The following DMD variants were observed in gnomAD, a reference collection of about 807,000 sequenced individuals.
DMD encodes the protein mutant dystrophin.
Under a neutral mutation model 330.1 loss-of-function variants are expected in DMD, and 63 were observed. That is an observed-to-expected ratio of 0.19 (90% CI 0.16 to 0.24). The LOEUF is 0.24. Among genes scored for constraint, DMD ranks in the 10% least tolerant of loss-of-function variants. The pLI is 1.00. For synonymous variants in DMD, 1,223 were observed against 959.8 expected, an observed-to-expected ratio of 1.27 and a Z score of -5.07; for missense variants, 3,344 against 2,684.1, an observed-to-expected ratio of 1.25 and a Z score of -5.43.
intron 1 of DMD, among the ~76,000 whole-genome samples, chrX:33,252,824 A>G (rs1356618624): frequency 1.8e-5 from 2 of 112,091 alleles, no homozygotes; most frequent in African/African-American, 6.5e-5. Context: ...AATGTTGCTT[A>G]GGTATTTCCT....
chrX:32,385,150 A>C (rs774285211), intron 33 of DMD, among the ~76,000 whole-genome samples: 1 of 111,074 alleles, frequency 9.0e-6, no homozygotes, highest in African/African-American at 3.3e-5. Context: ...TACCTGATTC[A>C]AAAATATTCT....
At chrX:32,377,668 G>C (rs1393797781) in intron 34 of DMD, among the ~76,000 whole-genome samples, 3 of 111,447 alleles carry the variant, frequency 2.7e-5, no homozygotes, top group Non-Finnish European at 5.7e-5. Flanking sequence ...TCTGTATTCA[G>C]AGAAAATAAA....
chrX:32,665,452 A>G (rs1400833050), intron 9 of DMD, among the ~76,000 whole-genome samples: 2 of 112,303 alleles, frequency 1.8e-5, no homozygotes, highest in African/African-American at 6.5e-5. Context: ...AATCCTCAAC[A>G]AATTTTGTTA....
At chrX:32,211,267 A>G (rs1329241847) in intron 44 of DMD, among the ~76,000 whole-genome samples, 1 of 111,930 alleles carries the variant, frequency 8.9e-6, no homozygotes, top group Admixed American at 9.5e-5. Context: ...TTTTTCTTCA[A>G]TAGAATATGA....
At chrX:32,302,955 A>G (rs1200961990) in intron 42 of DMD, among the ~76,000 whole-genome samples, 1 of 111,193 alleles carries the variant, frequency 9.0e-6, no homozygotes, top group Non-Finnish European at 1.9e-5. Context: ...TCAGGTTCCA[A>G]TACAGTACTT....
intron 73 of DMD, among the ~76,000 whole-genome samples, chrX:31,171,827 C>G (rs771478125): frequency 8.9e-6 from 1 of 111,868 alleles, no homozygotes; most frequent in East Asian, 2.8e-4. Context: ...GGAAACTCTT[C>G]ATAAGATTGC....
rs141297639 is a variant in DMD at position 31,276,040 on chromosome X, T to C, written c.9225-15024A>G. Among the ~76,000 whole-genome samples, 386 of 111,565 alleles carry C rather than the reference T, an allele frequency of 3.5e-3. 2 individuals carry two copies. The highest frequency in any genetic ancestry group is 0.012 in the African/African-American group (362 of 30,746). On this transcript the variant is annotated intron_variant, in intron 62 of 78. Transcript: ENST00000357033. ...ATAAAACTTTAAGAAGCGAGGAAAA[T>C]TTAGAACACAGATTTGTTTTTTGTT...
intron 44 of DMD, among the ~76,000 whole-genome samples, chrX:32,019,991 A>G (rs1028916333): frequency 2.7e-5 from 3 of 112,468 alleles, no homozygotes; most frequent in Non-Finnish European, 5.6e-5. Context: ...CATTTTGCCT[A>G]TGGATCCACC....
intron 71 of DMD, among the ~76,000 whole-genome samples, chrX:31,175,847 A>AAT (rs1312321648): frequency 1.8e-5 from 2 of 111,501 alleles, no homozygotes; most frequent in Non-Finnish European, 1.9e-5. Flanking sequence ...TCGCTCAAAG[A>AAT]ATATCGTTTG....
At chrX:32,413,710 CTTTTTTTT>C (rs779787287) in intron 29 of DMD, among the ~76,000 whole-genome samples, 3 of 78,577 alleles carry the variant, frequency 3.8e-5, no homozygotes, top group Non-Finnish European at 7.1e-5. Flanking sequence ...AAGCTCTATT[CTTTTTTTT>C]TTTTTTTTTT....
At chrX:32,992,560 A>G (rs897810143) in intron 2 of DMD, among the ~76,000 whole-genome samples, 1 of 111,824 alleles carries the variant, frequency 8.9e-6, no homozygotes, top group African/African-American at 3.2e-5. Flanking sequence ...TTCCTGAATG[A>G]TACTCACAAA....
At chrX:32,419,958 C>T (rs771714370) in intron 29 of DMD, among the ~76,000 whole-genome samples, 10 of 111,843 alleles carry the variant, frequency 8.9e-5, no homozygotes, top group Non-Finnish European at 1.9e-4. Context: ...TCCATTTATC[C>T]TCATGGGTAG....
intron 7 of DMD, among the ~76,000 whole-genome samples, chrX:32,746,751 A>G (rs2070071082): frequency 1.8e-5 from 2 of 111,568 alleles, no homozygotes; most frequent in Non-Finnish European, 3.8e-5. Context: ...TGCACAATAA[A>G]TTACTGTTAA....
chrX:31,414,352 A>G (rs986322638), intron 60 of DMD, among the ~76,000 whole-genome samples: 4 of 112,366 alleles, frequency 3.6e-5, no homozygotes, highest in African/African-American at 1.3e-4. Flanking sequence ...GCGACAAGCC[A>G]AATTAATGTT....
chrX:33,251,891 T>TGAAATA (rs768502264), intron 1 of DMD, among the ~76,000 whole-genome samples: 1 of 112,269 alleles, frequency 8.9e-6, no homozygotes, highest in African/African-American at 3.2e-5. Context: ...TGTTAATGTG[T>TGAAATA]GAAATAAGAA....
In DMD at chrX:32,104,299, C is replaced by T. The variant is rs774528558; in HGVS notation, c.6438+112617G>A. On this transcript the variant is annotated intron_variant, in intron 44 of 78. Coordinates refer to ENST00000357033, the MANE Select transcript of DMD (RefSeq NM_004006.3). ...TTATCTGCTCTAATTATGTCAGGTG[C>T]TTTGCTACTTCACAGTAACCACATG... Among the ~76,000 whole-genome samples the T allele has an allele frequency of 8.9e-5, 10 of 111,741 alleles. No homozygotes were observed. In the South Asian group the frequency reaches 3.8e-3, roughly 42 times the overall value.
chrX:32,316,387 A>G (rs1317966274), intron 41 of DMD, among the ~76,000 whole-genome samples: 3 of 111,745 alleles, frequency 2.7e-5, no homozygotes. Context: ...TCTCATTACA[A>G]TTACCTATGG....
chrX:31,183,074 C>T, intron 67 of DMD, 170 bp from the exon 68 acceptor site: 1 of 454,766 alleles, frequency 2.2e-6, no homozygotes, highest in African/African-American at 2.5e-5. Flanking sequence ...GCAAATGCTC[C>T]CTGATATCCA....
At chrX:31,890,062 T>C (rs2094219582) in intron 47 of DMD, among the ~76,000 whole-genome samples, 1 of 109,953 alleles carries the variant, frequency 9.1e-6, no homozygotes, top group African/African-American at 3.3e-5. Context: ...CTGTTAAAAT[T>C]TGGTTTCTTA....
Sources: allele counts gnomAD v4.1 joint callset (sites outside exome capture counted in the v4.1 genomes callset), GRCh38; gene constraint gnomAD v4.1.1; transcripts MANE v1.5; gene names NCBI Gene and HGNC (gene_info 2026-07-23, HGNC 2026-07-21).